Variants in UBR3 observed in about 807,000 individuals in gnomAD.
UBR3 encodes E3 ubiquitin-protein ligase UBR3.
Under a neutral mutation model 243.2 loss-of-function variants are expected in UBR3, and 85 were observed. That is an observed-to-expected ratio of 0.35 (90% CI 0.29 to 0.42). UBR3 has a LOEUF of 0.42. Ranked by LOEUF, UBR3 falls within the 10% of genes least tolerant of loss-of-function variation. The pLI, the probability that UBR3 is intolerant of heterozygous loss-of-function variation, is 1.00. For synonymous variants in UBR3, 748 were observed against 799.8 expected, an observed-to-expected ratio of 0.94 and a Z score of 1.09; for missense variants, 1,686 against 2,300.8, an observed-to-expected ratio of 0.73 and a Z score of 5.47.
chr2:169,988,425 G>C (rs1337269020), intron 25 of UBR3, among the ~76,000 whole-genome samples: 1 of 152,050 alleles, frequency 6.6e-6, no homozygotes, highest in Admixed American at 6.5e-5. Context: ...TTAAACAATT[G>C]TATATGCTAG....
intron 10 of UBR3, 121 bp downstream of exon 10, chr2:169,906,285 A>C: frequency 8.6e-7 from 1 of 1,163,670 alleles, no homozygotes; most frequent in Non-Finnish European, 1.2e-6. Flanking sequence ...ATTCAGCTTT[A>C]TGAAAACTGA....
chr2:169,901,415 G>A (rs1330818527), intron 8 of UBR3, among the ~76,000 whole-genome samples: 2 of 151,928 alleles, frequency 1.3e-5, no homozygotes, highest in Non-Finnish European at 2.9e-5. Flanking sequence ...TTCAGTAGTA[G>A]CATAAGATAT....
intron 32 of UBR3, among the ~76,000 whole-genome samples, chr2:170,042,080 C>G (rs993270920): frequency 6.6e-6 from 1 of 152,168 alleles, no homozygotes; most frequent in African/African-American, 2.4e-5. Flanking sequence ...ACATTTTCAT[C>G]AGCCCCAAAG....
chr2:169,896,493 TA>T lies in UBR3; in HGVS notation c.1237-10del. 6.8e-7 allele frequency: 1 copy of T among 1,468,718 alleles called. No individual in the cohort carries two copies. Among genetic ancestry groups the T allele is most frequent in the Non-Finnish European group, 9.1e-7 (1 of 1,098,534 alleles). The allele number at this position is 1,468,718 out of a possible 1,614,324, so 91.0% of individuals were successfully genotyped here. ...AACTAATGTGTTTTTTCCTTTCTAT[TA>T]AAATGTTTACAGGTTGCTTTTACAA... On this transcript the variant is annotated splice_polypyrimidine_tract_variant and intron_variant, in intron 7 of 38. Coordinates refer to ENST00000272793, the MANE Select transcript of UBR3 (RefSeq NM_172070.4).
rs956328062 is a variant in UBR3 at position 169,986,775 on chromosome 2, A to C, written c.3765A>C (p.Val1255=). ...AAGATCGACCTACTGGATTAGTTGTACTGTTACAAGCATCCTCAGGTAAAA... is the reference window on the plus strand; with the variant it reads ...AAGATCGACCTACTGGATTAGTTGTCCTGTTACAAGCATCCTCAGGTAAAA... ...SSEDRPTGLV[V]LLQASSVLGQ... Residue 1255 remains valine (V), a synonymous_variant, in exon 25 of 39, where the codon GTA becomes GTC. Coordinates refer to ENST00000272793, the MANE Select transcript of UBR3 (RefSeq NM_172070.4). 1.2e-6 allele frequency: 2 copies of C among 1,613,952 alleles called. No individual in the cohort carries two copies. Among genetic ancestry groups the C allele is most frequent in the Middle Eastern group, 1.6e-4 (1 of 6,082 alleles).
chr2:169,914,635 T>G (rs1346971721), intron 11 of UBR3, among the ~76,000 whole-genome samples: 1 of 152,218 alleles, frequency 6.6e-6, no homozygotes. Context: ...TATGTATGAA[T>G]TGAACAAGTA....
At chr2:170,011,047 C>T (rs1179864185) in intron 29 of UBR3, among the ~76,000 whole-genome samples, 1 of 152,032 alleles carries the variant, frequency 6.6e-6, no homozygotes, top group Non-Finnish European at 1.5e-5. Context: ...CATCTGTAGT[C>T]CCAGCTACTT....
intron 5 of UBR3, among the ~76,000 whole-genome samples, chr2:169,882,071 AATT>A (rs1330621212): frequency 1.6e-5 from 2 of 126,248 alleles, no homozygotes; most frequent in African/African-American, 6.3e-5. Flanking sequence ...CATATAATAT[AATT>A]ATATATGTAT....
chr2:169,983,908 C>G (rs1184655205), intron 24 of UBR3, among the ~76,000 whole-genome samples: 1 of 151,826 alleles, frequency 6.6e-6, no homozygotes, highest in Non-Finnish European at 1.5e-5. Context: ...ATACAGAAAC[C>G]CTTTGAATTT....
At chr2:169,857,888 T>C (rs1053835326) in intron 1 of UBR3, among the ~76,000 whole-genome samples, 3 of 152,144 alleles carry the variant, frequency 2.0e-5, no homozygotes, top group Admixed American at 1.3e-4. Context: ...ACCATAGGTG[T>C]GCACCACCAC....
chr2:170,010,697 T>TC (rs930362072), intron 29 of UBR3, among the ~76,000 whole-genome samples: 2 of 152,044 alleles, frequency 1.3e-5, no homozygotes, highest in Admixed American at 1.3e-4. Flanking sequence ...AAAATATACT[T>TC]CCCCCATCCT....
chr2:170,050,640 A>G (rs537083897), intron 32 of UBR3, among the ~76,000 whole-genome samples: 6 of 152,216 alleles, frequency 3.9e-5, no homozygotes, highest in Admixed American at 2.6e-4. Context: ...TAGATGTCCA[A>G]TCCTTTTTTG....
In UBR3 at chr2:169,896,644, A is replaced by G. The variant is rs778862842; in HGVS notation, c.1374A>G (p.Arg458=). ...VQLFSNEELA[R]QVTEECQLLD... is the part of the protein sequence containing the mutation. ...TGTTCAGCAATGAGGAGCTAGCCAG[A>G]CAGGTAACAGAAGAATGTCAGCTGC... The change falls in exon 8 of 39, where the codon AGA becomes AGG. Residue 458 remains arginine, a synonymous_variant. Coordinates refer to ENST00000272793, the MANE Select transcript of UBR3 (RefSeq NM_172070.4). The G allele has an allele frequency of 1.3e-6, 2 of 1,551,366 alleles. No homozygotes were observed. The highest frequency in any genetic ancestry group is 1.2e-5 in the South Asian group (1 of 84,042).
intron 1 of UBR3, among the ~76,000 whole-genome samples, chr2:169,840,959 C>T (rs2105284036): frequency 6.6e-6 from 1 of 152,258 alleles, no homozygotes; most frequent in South Asian, 2.1e-4. Flanking sequence ...CACAGGTACC[C>T]TGGGCCCCTC....
At chr2:169,935,149 G>T (rs940406536) in intron 19 of UBR3, among the ~76,000 whole-genome samples, 1 of 152,176 alleles carries the variant, frequency 6.6e-6, no homozygotes, top group East Asian at 1.9e-4. Context: ...GAAAAGCTCA[G>T]TGAAAATATG....
At chr2:169,931,624 C>G (rs2086135569) in intron 18 of UBR3, among the ~76,000 whole-genome samples, 1 of 152,008 alleles carries the variant, frequency 6.6e-6, no homozygotes, top group South Asian at 2.1e-4. Flanking sequence ...AGAAAAAAAT[C>G]TATTAAGGAG....
chr2:169,924,588 G>T (rs905740013), intron 13 of UBR3, among the ~76,000 whole-genome samples: 1 of 152,160 alleles, frequency 6.6e-6, no homozygotes, highest in East Asian at 1.9e-4. Flanking sequence ...TAAGCACTGT[G>T]ATTTCTTTTA....
chr2:170,031,916 A>G lies in UBR3; in HGVS notation c.4556+2468A>G, dbSNP rs367856058. The stretch of plus-strand genomic sequence containing the variant: ...ATAGGTACTACATTTTCTTTATCCA[A>G]TCCACTGTTGATGGGGACCTAGGTT... On this transcript the variant is annotated intron_variant, in intron 31 of 38. Coordinates refer to ENST00000272793, the MANE Select transcript of UBR3 (RefSeq NM_172070.4). Among the ~76,000 whole-genome samples the G allele has an allele frequency of 5.3e-5, 8 of 152,054 alleles. No homozygotes were observed. The East Asian group carries it at 5.8e-4, about 11-fold the overall frequency.
chr2:170,080,250 A>AT, intron 37 of UBR3: 1 of 582,162 alleles, frequency 1.7e-6, no homozygotes, highest in Non-Finnish European at 2.9e-6. Context: ...TTCATCTACT[A>AT]TCCCTTTAAT....
Sources: gnomAD v4.1 joint callset for allele counts (sites outside exome capture counted in the v4.1 genomes callset) on GRCh38, gnomAD v4.1.1 for gene constraint, MANE v1.5 for transcripts, NCBI Gene and HGNC (gene_info 2026-07-23, HGNC 2026-07-21) for gene names.